Variants in ACOT1 observed in about 807,000 individuals in gnomAD.
The protein encoded by ACOT1 is acyl-coenzyme A thioesterase 1.
A neutral mutation model predicts 15.7 loss-of-function variants in ACOT1; 8 were observed. The ratio of observed to expected loss-of-function variants is 0.51; its 90% CI spans 0.30 to 0.92. The LOEUF (loss-of-function observed/expected upper bound fraction) is 0.92. ACOT1 is among the 40% of genes least tolerant of loss of function. The pLI, the probability that ACOT1 is intolerant of heterozygous loss-of-function variation, is 0.06. For missense variants in ACOT1, 151 were observed against 539.4 expected (o/e 0.28, Z 7.13); for synonymous variants, 67 against 241.2 (o/e 0.28, Z 6.69).
chr14:73,501,207 C>T, the ACOT1 span, among the ~76,000 whole-genome samples: 1 of 152,236 alleles, frequency 6.6e-6, no homozygotes, highest in South Asian at 2.1e-4. Context: ...CAAGCGCCGC[C>T]TCCTGGGTTC....
chr14:73,498,295 G>A, the ACOT1 span: 1 of 1,612,866 alleles, frequency 6.2e-7, no homozygotes, highest in South Asian at 1.1e-5. Flanking sequence ...GGATAGCCCA[G>A]AGCAGAAGAT....
the ACOT1 span, chr14:73,509,176 A>G: frequency 1.1e-6 from 1 of 878,706 alleles, no homozygotes. Context: ...CCTAATTTTC[A>G]AATGGTCTAA....
At chr14:73,539,748 C>T (rs1430447058) in intron 1 of ACOT1, 1 of 118,360 alleles carries the variant, frequency 8.4e-6, no homozygotes, top group Non-Finnish European at 1.8e-5. Flanking sequence ...AGCACGCGGT[C>T]CCTGTCCATC....
the ACOT1 span, chr14:73,491,542 G>T: frequency 1.1e-5 from 17 of 1,532,666 alleles, no homozygotes; most frequent in Non-Finnish European, 1.5e-5. Context: ...TGGATAACAC[G>T]GGTGGGGAGC....
At chr14:73,524,310 A>AAT in the ACOT1 span, among the ~76,000 whole-genome samples, 763 of 54,654 alleles carry the variant, frequency 0.014, 36 homozygotes, top group African/African-American at 0.029. Flanking sequence ...AAAAAAAAAA[A>AAT]ATATATATAT....
intron 1 of ACOT1, among the ~76,000 whole-genome samples, chr14:73,538,351 C>T (rs2052401571): frequency 8.7e-6 from 1 of 114,440 alleles, no homozygotes; most frequent in African/African-American, 2.8e-5. Context: ...CGCTGGCTCA[C>T]GCCTGTAATC....
chr14:73,538,178 G>A (rs1263915253), intron 1 of ACOT1, among the ~76,000 whole-genome samples: 1 of 113,352 alleles, frequency 8.8e-6, no homozygotes, highest in African/African-American at 2.9e-5. Flanking sequence ...TCGTCCCTGC[G>A]CTTTTCATAC....
chr14:73,513,824 A>C, the ACOT1 span, among the ~76,000 whole-genome samples: 1 of 150,548 alleles, frequency 6.6e-6, no homozygotes, highest in Non-Finnish European at 1.5e-5. Context: ...AGTAATACCC[A>C]TCCATGCAAA....
upstream of ACOT1, chr14:73,536,979 T>G (rs1888880296): frequency 3.1e-5 from 2 of 64,304 alleles, no homozygotes; most frequent in Non-Finnish European, 3.8e-5. Flanking sequence ...GCTGCCTGGT[T>G]GTTGTTGTTT....
the ACOT1 span, chr14:73,509,218 C>G: frequency 8.2e-7 from 1 of 1,213,842 alleles, no homozygotes; most frequent in Non-Finnish European, 1.2e-6. Context: ...GCAGACATTG[C>G]AGAGCATCAC....
At chr14:73,515,009 A>G in the ACOT1 span, among the ~76,000 whole-genome samples, 11 of 151,704 alleles carry the variant, frequency 7.3e-5, no homozygotes, top group African/African-American at 2.2e-4. Context: ...CGGAGGTTGC[A>G]GTGAGCTGAG....
At chr14:73,502,601 G>A in the ACOT1 span, among the ~76,000 whole-genome samples, 3 of 151,922 alleles carry the variant, frequency 2.0e-5, no homozygotes, top group South Asian at 2.1e-4. Context: ...AGGCTGGAGT[G>A]CAGTGGCGCG....
the ACOT1 span, among the ~76,000 whole-genome samples, chr14:73,527,016 T>C: frequency 1.3e-5 from 2 of 152,214 alleles, no homozygotes; most frequent in Admixed American, 1.3e-4. Context: ...TTTTCCCTTA[T>C]CTTACCCAAG....
chr14:73,504,100 G>T, the ACOT1 span, among the ~76,000 whole-genome samples: 1 of 147,662 alleles, frequency 6.8e-6, no homozygotes, highest in African/African-American at 2.5e-5. Context: ...TTTTTGAGAC[G>T]GAGTTTCACT....
the ACOT1 span, chr14:73,491,869 C>T: frequency 6.2e-7 from 1 of 1,610,958 alleles, no homozygotes; most frequent in South Asian, 1.1e-5. Context: ...CGCTGCCCGC[C>T]GCCGCGTGGT....
At chr14:73,518,093 A>G in the ACOT1 span, among the ~76,000 whole-genome samples, 1 of 151,610 alleles carries the variant, frequency 6.6e-6, no homozygotes, top group Non-Finnish European at 1.5e-5. Context: ...CTCAAAAACA[A>G]AGCCAGGTTG....
At chr14:73,503,074 G>A in the ACOT1 span, 544 of 1,340,818 alleles carry the variant, frequency 4.1e-4, 5 homozygotes, top group East Asian at 0.01. Flanking sequence ...TGTGCTTGGC[G>A]TTGTGCTGTT....
the ACOT1 span, among the ~76,000 whole-genome samples, chr14:73,501,035 G>A: frequency 6.6e-6 from 1 of 152,200 alleles, no homozygotes; most frequent in Non-Finnish European, 1.5e-5. Context: ...TTGCCCTCAC[G>A]TGTGCCATGA....
At chr14:73,501,536 A>C in the ACOT1 span, among the ~76,000 whole-genome samples, 1 of 144,622 alleles carries the variant, frequency 6.9e-6, no homozygotes, top group Non-Finnish European at 1.5e-5. Context: ...ATAGGCACTT[A>C]CCCACTCTGC....
Sources: gnomAD v4.1 joint callset for allele counts (sites outside exome capture counted in the v4.1 genomes callset) on GRCh38, gnomAD v4.1.1 for gene constraint, MANE v1.5 for transcripts, NCBI Gene and HGNC (gene_info 2026-07-23, HGNC 2026-07-21) for gene names.